The following CLEC16A variants were observed in gnomAD, a reference collection of about 807,000 sequenced individuals.
The protein encoded by CLEC16A is C-type lectin domain containing 16A.
In CLEC16A, 51 loss-of-function variants were observed where a neutral mutation model predicts 109.5. The observed-to-expected ratio is 0.47, with a 90% CI of 0.37 to 0.59. The LOEUF is 0.59. Ranked by LOEUF, CLEC16A falls within the 20% of genes least tolerant of loss-of-function variation. The pLI, the probability that CLEC16A is intolerant of heterozygous loss-of-function variation, is 0.00. For synonymous variants in CLEC16A, 673 were observed against 564.2 expected, an observed-to-expected ratio of 1.19 and a Z score of -2.73; for missense variants, 1,339 against 1,394.0, an observed-to-expected ratio of 0.96 and a Z score of 0.63.
intron 22 of CLEC16A, chr16:11,126,375 G>A: frequency 6.9e-7 from 1 of 1,445,444 alleles, no homozygotes; most frequent in East Asian, 2.5e-5. Context: ...GAGATTTGTT[G>A]GGTATGTGGA....
At chr16:10,952,150 CAA>C (rs2041766932) in intron 1 of CLEC16A, among the ~76,000 whole-genome samples, 1 of 152,194 alleles carries the variant, frequency 6.6e-6, no homozygotes, top group African/African-American at 2.4e-5. Context: ...TCATTGTTGT[CAA>C]AGTTTCCTAC....
chr16:11,083,107 T>A (rs1272028474), intron 19 of CLEC16A, among the ~76,000 whole-genome samples: 1 of 151,978 alleles, frequency 6.6e-6, no homozygotes, highest in Non-Finnish European at 1.5e-5. Context: ...CAGCTCACCA[T>A]GTAGGGGGAT....
intron 18 of CLEC16A, 124 bp downstream of exon 18, chr16:11,051,765 A>G: frequency 1.6e-6 from 2 of 1,245,916 alleles, no homozygotes; most frequent in Non-Finnish European, 2.2e-6. Context: ...TAGACAGTGG[A>G]TAGAGAGTAC....
At chr16:11,117,254 CGTATACTTAAAATAGGTAAACT>C (rs952216921) in intron 19 of CLEC16A, among the ~76,000 whole-genome samples, 1 of 152,088 alleles carries the variant, frequency 6.6e-6, no homozygotes, top group Non-Finnish European at 1.5e-5. Context: ...AAACTCAAAC[CGTATACTTAAAATAGGTAAACT>C]GTATACTTAA....
chr16:10,979,419 T>G (rs1358374453), intron 9 of CLEC16A, 37 bp downstream of exon 9: 1 of 1,589,610 alleles, frequency 6.3e-7, no homozygotes, highest in Admixed American at 1.7e-5. Flanking sequence ...CCACTACATT[T>G]GGGGTCCCTT....
At chr16:11,104,329 A>G (rs949964695) in intron 19 of CLEC16A, among the ~76,000 whole-genome samples, 1 of 151,576 alleles carries the variant, frequency 6.6e-6, no homozygotes, top group African/African-American at 2.4e-5. Flanking sequence ...GGGTCTCACT[A>G]TATTGCCCAG....
Position 11,121,918 on chromosome 16 carries a change from G to T in CLEC16A, c.2268+1152G>T, listed in dbSNP as rs118062943. On this transcript the variant is annotated intron_variant, in intron 20 of 23. Coordinates refer to ENST00000409790, the MANE Select transcript of CLEC16A (RefSeq NM_015226.3). ...AAAAAAAAAAAAAAAGTTTGTCAAC[G>T]TGATAGATAACTAGTACCAGCTCTT... 6.8e-3 allele frequency among the ~76,000 whole-genome samples: 982 copies of T among 144,962 alleles called. 7 individuals carry two copies. The highest frequency in any genetic ancestry group is 0.011 in the Non-Finnish European group (751 of 66,510).
At chr16:11,036,775 C>T (rs531794652) in intron 13 of CLEC16A, among the ~76,000 whole-genome samples, 37 of 152,216 alleles carry the variant, frequency 2.4e-4, no homozygotes, top group African/African-American at 8.4e-4. Flanking sequence ...TCTCAAACTC[C>T]TGACCTCAGG....
intron 13 of CLEC16A, among the ~76,000 whole-genome samples, chr16:11,032,313 C>G (rs1193931481): frequency 6.6e-6 from 1 of 152,180 alleles, no homozygotes; most frequent in Non-Finnish European, 1.5e-5. Context: ...AACTGTGTTC[C>G]TATGAGCCGT....
intron 11 of CLEC16A, among the ~76,000 whole-genome samples, chr16:11,012,376 A>G (rs556251812): frequency 3.9e-5 from 6 of 152,302 alleles, no homozygotes; most frequent in Admixed American, 2.0e-4. Flanking sequence ...TGGGCGGATC[A>G]TGAGGTCAGG....
chr16:11,166,885 C>G lies in CLEC16A; in HGVS notation c.2806+333C>G, dbSNP rs142804966. On this transcript the variant is annotated intron_variant, in intron 23 of 23. Transcript: ENST00000409790. The stretch of plus-strand genomic sequence containing the variant: ...AGTCTTAGGTGTCACAAGGAGGGGT[C>G]TCCCAAGGGGATTGTTTGCAGTCTA... 4.6e-5 allele frequency among the ~76,000 whole-genome samples: 7 copies of G among 152,334 alleles called. No homozygotes were observed. The East Asian group carries it at 1.3e-3, about 29-fold the overall frequency.
At chr16:11,159,776 C>G (rs1278615757) in intron 22 of CLEC16A, among the ~76,000 whole-genome samples, 1 of 152,178 alleles carries the variant, frequency 6.6e-6, no homozygotes, top group South Asian at 2.1e-4. Flanking sequence ...GTGACATTAG[C>G]TTCCCATAGC....
chr16:11,023,841 G>T (rs1404687959), intron 12 of CLEC16A, among the ~76,000 whole-genome samples: 1 of 152,190 alleles, frequency 6.6e-6, no homozygotes, highest in African/African-American at 2.4e-5. Flanking sequence ...GCCTCAGCCT[G>T]GCATTCAGAG....
intron 19 of CLEC16A, among the ~76,000 whole-genome samples, chr16:11,083,488 C>G (rs892208525): frequency 6.6e-6 from 1 of 152,192 alleles, no homozygotes; most frequent in Non-Finnish European, 1.5e-5. Context: ...GTGCCAGGCA[C>G]TGAGGATTTA....
chr16:11,129,917 C>G (rs1416238260), intron 22 of CLEC16A, among the ~76,000 whole-genome samples: 2 of 152,158 alleles, frequency 1.3e-5, no homozygotes, highest in Admixed American at 1.3e-4. Flanking sequence ...CGCCCACCAC[C>G]ACGCCCGGTT....
chr16:11,158,113 G>A (rs1401628573), intron 22 of CLEC16A, among the ~76,000 whole-genome samples: 4 of 152,176 alleles, frequency 2.6e-5, no homozygotes, highest in Admixed American at 1.3e-4. Context: ...GGAAGGAGCC[G>A]ACAAGGGGAG....
intron 9 of CLEC16A, among the ~76,000 whole-genome samples, chr16:10,981,295 T>A (rs2043308986): frequency 6.6e-6 from 1 of 152,052 alleles, no homozygotes; most frequent in African/African-American, 2.4e-5. Flanking sequence ...GTTGGTAGAG[T>A]GATGTGTGGC....
At chr16:11,160,962 A>G (rs1331040807) in intron 22 of CLEC16A, among the ~76,000 whole-genome samples, 1 of 152,146 alleles carries the variant, frequency 6.6e-6, no homozygotes, top group African/African-American at 2.4e-5. Flanking sequence ...ATTCATTTCT[A>G]TCTCACTGGT....
At chr16:10,981,932 G>A (rs2043343933) in intron 9 of CLEC16A, among the ~76,000 whole-genome samples, 1 of 152,172 alleles carries the variant, frequency 6.6e-6, no homozygotes, top group Admixed American at 6.5e-5. Context: ...TGGAGGTCAG[G>A]GATGCTGCTC....
Sources: allele counts gnomAD v4.1 joint callset (sites outside exome capture counted in the v4.1 genomes callset), GRCh38; gene constraint gnomAD v4.1.1; transcripts MANE v1.5; gene names NCBI Gene and HGNC (gene_info 2026-07-23, HGNC 2026-07-21).